SCN9A: variants seen among roughly 807,000 people sequenced by gnomAD.
SCN9A encodes the protein sodium channel protein type 9 subunit alpha.
SCN9A carries 131 observed loss-of-function variants against 187.0 expected under a neutral mutation model. That is an observed-to-expected ratio of 0.70 (90% CI 0.61 to 0.81). The LOEUF (loss-of-function observed/expected upper bound fraction) is 0.81. Among genes scored for constraint, SCN9A ranks in the 30% least tolerant of loss-of-function variants. SCN9A has a pLI of 0.00. For synonymous variants in SCN9A, 809 were observed against 808.6 expected, an observed-to-expected ratio of 1.00 and a Z score of -0.01; for missense variants, 2,252 against 2,396.6, an observed-to-expected ratio of 0.94 and a Z score of 1.26.
chr2:166,295,476 C>A (rs997624163), intron 7 of SCN9A, among the ~76,000 whole-genome samples: 1 of 152,074 alleles, frequency 6.6e-6, no homozygotes, highest in African/African-American at 2.4e-5. Context: ...TAGCCTATTG[C>A]TCCTGGGCTG....
chr2:166,295,365 G>C (rs191661867), intron 7 of SCN9A, among the ~76,000 whole-genome samples: 1 of 152,324 alleles, frequency 6.6e-6, no homozygotes, highest in East Asian at 1.9e-4. Flanking sequence ...TACATTCTGA[G>C]AAATGCATCA....
intron 1 of SCN9A, among the ~76,000 whole-genome samples, chr2:166,331,757 T>G (rs939143578): frequency 1.3e-5 from 2 of 152,240 alleles, no homozygotes; most frequent in Non-Finnish European, 2.9e-5. Flanking sequence ...TATAGTTCAT[T>G]GCTCAATGTT....
chr2:166,335,529 G>T (rs1011102936), intron 1 of SCN9A, among the ~76,000 whole-genome samples: 1 of 152,114 alleles, frequency 6.6e-6, no homozygotes, highest in African/African-American at 2.4e-5. Flanking sequence ...CTAAATTTTG[G>T]AAACATGGTC....
chr2:166,274,602 T>C (rs939612397), intron 16 of SCN9A, among the ~76,000 whole-genome samples: 27 of 152,190 alleles, frequency 1.8e-4, no homozygotes, highest in African/African-American at 5.3e-4. Context: ...TTCTATGATA[T>C]TGGTAGTTCC....
intron 1 of SCN9A, among the ~76,000 whole-genome samples, chr2:166,334,556 C>T (rs1425899109): frequency 6.6e-6 from 1 of 152,058 alleles, no homozygotes; most frequent in African/African-American, 2.4e-5. Flanking sequence ...TCTGAAGACT[C>T]ATCTGGAAGG....
At chr2:166,314,455 C>T (rs575323599) in intron 1 of SCN9A, among the ~76,000 whole-genome samples, 4 of 152,152 alleles carry the variant, frequency 2.6e-5, no homozygotes, top group African/African-American at 9.7e-5. Context: ...AATTCCACTA[C>T]TTGGTACAGA....
intron 1 of SCN9A, among the ~76,000 whole-genome samples, chr2:166,330,286 C>A (rs1036057752): frequency 6.6e-6 from 1 of 152,118 alleles, no homozygotes; most frequent in South Asian, 2.1e-4. Context: ...GCCCCCATAT[C>A]CCATTCTCTG....
At chr2:166,210,783 G>A (rs915510579) in intron 24 of SCN9A, among the ~76,000 whole-genome samples, 11 of 152,242 alleles carry the variant, frequency 7.2e-5, no homozygotes, top group Non-Finnish European at 1.3e-4. Flanking sequence ...TCTCGGCTGG[G>A]CATGGTGGCT....
At chr2:166,352,834 T>C (rs1700071251) in intron 1 of SCN9A, among the ~76,000 whole-genome samples, 1 of 152,196 alleles carries the variant, frequency 6.6e-6, no homozygotes. Context: ...TCCAGATTTC[T>C]GTGCTGCTCC....
At chr2:166,281,894 T>A in intron 12 of SCN9A, 86 bp from the exon 13 acceptor site, 2 of 1,251,536 alleles carry the variant, frequency 1.6e-6, no homozygotes, top group South Asian at 3.3e-5. Context: ...ATAGCTGTAG[T>A]GAGTAATTAA....
chr2:166,324,820 C>T (rs1175734279), intron 1 of SCN9A, among the ~76,000 whole-genome samples: 1 of 152,070 alleles, frequency 6.6e-6, no homozygotes, highest in Non-Finnish European at 1.5e-5. Flanking sequence ...ACAAGGAAAG[C>T]CTGAGAAATT....
At chr2:166,260,117 T>C (rs985608582) in intron 17 of SCN9A, among the ~76,000 whole-genome samples, 29 of 151,820 alleles carry the variant, frequency 1.9e-4, no homozygotes, top group African/African-American at 7.0e-4. Flanking sequence ...AGAGAGAAAG[T>C]CTTGATAACA....
At chr2:166,305,298 T>C (rs1012781598) in intron 5 of SCN9A, among the ~76,000 whole-genome samples, 1 of 152,108 alleles carries the variant, frequency 6.6e-6, no homozygotes, top group East Asian at 1.9e-4. Flanking sequence ...AAACTGAGTG[T>C]ATATATAATG....
intron 7 of SCN9A, among the ~76,000 whole-genome samples, chr2:166,295,759 G>A (rs1170428394): frequency 6.6e-6 from 1 of 152,056 alleles, no homozygotes; most frequent in East Asian, 1.9e-4. Context: ...TACTTACTTA[G>A]GACCTACTAA....
chr2:166,214,731 G>C (rs188186922), intron 24 of SCN9A, among the ~76,000 whole-genome samples: 2,870 of 150,938 alleles, frequency 0.019, 104 homozygotes, highest in African/African-American at 0.067. Flanking sequence ...AGCCAGGATG[G>C]TCTCGATCTC....
chr2:166,343,703 G>A (rs1699837738), intron 1 of SCN9A, among the ~76,000 whole-genome samples: 1 of 152,120 alleles, frequency 6.6e-6, no homozygotes, highest in African/African-American at 2.4e-5. Context: ...GGCTGAGACA[G>A]GATGTTTGCT....
chr2:166,301,380 A>G (rs1286565734), intron 7 of SCN9A: 1 of 150,854 alleles, frequency 6.6e-6, no homozygotes, highest in Non-Finnish European at 1.5e-5. Context: ...ATGTCAAGCT[A>G]TAAGCAATCA....
intron 2 of SCN9A, among the ~76,000 whole-genome samples, chr2:166,307,565 T>C (rs1366203834): frequency 6.6e-6 from 1 of 152,196 alleles, no homozygotes. Context: ...TTTTCCTAAG[T>C]TGAAGGAACG....
At chr2:166,339,202 C>T (rs1699704941) in intron 1 of SCN9A, among the ~76,000 whole-genome samples, 1 of 152,068 alleles carries the variant, frequency 6.6e-6, no homozygotes, top group African/African-American at 2.4e-5. Context: ...AGAAGCCACG[C>T]TTTGTTGGTC....
Sources: allele counts gnomAD v4.1 joint callset (sites outside exome capture counted in the v4.1 genomes callset), GRCh38; gene constraint gnomAD v4.1.1; transcripts MANE v1.5; gene names NCBI Gene and HGNC (gene_info 2026-07-23, HGNC 2026-07-21).